GRM5: variants seen among roughly 807,000 people sequenced by gnomAD.
GRM5 encodes metabotropic glutamate receptor 5.
In GRM5, 19 loss-of-function variants were observed where a neutral mutation model predicts 83.1. The observed-to-expected ratio is 0.23, with a 90% CI of 0.16 to 0.34. GRM5 has a LOEUF of 0.34. Ranked by LOEUF, GRM5 falls within the 10% of genes least tolerant of loss-of-function variation. GRM5 has a pLI of 1.00. For synonymous variants in GRM5, 675 were observed against 633.6 expected (o/e 1.07, Z -0.98); for missense variants, 1,160 against 1,588.3 (o/e 0.73, Z 4.58).
rs1254505938 is a variant in GRM5, at chr11:88,505,303, G to A, written c.*3289C>T. The stretch of plus-strand genomic sequence containing the variant: ...GTCTCCAAAACATGTACATTTTACT[G>A]GGAGACTAGCATAGGAAATGCTTTT... On this transcript the variant is annotated 3_prime_UTR_variant, in exon 10 of 10. Coordinates refer to ENST00000305447, the MANE Select transcript of GRM5 (RefSeq NM_001143831.3). 2.0e-5 allele frequency: 3 copies of A among 152,198 alleles called. No individual in the cohort carries two copies. Among genetic ancestry groups the A allele is most frequent in the Non-Finnish European group, 4.4e-5 (3 of 68,010 alleles). 9.4% of individuals were successfully genotyped at this position (152,198 alleles called of 1,614,324 possible). A position where few individuals can be genotyped will look rare whatever the true frequency, so the allele number is the denominator to read the frequency against.
At chr11:89,060,215 T>G (rs1277986230) in intron 1 of GRM5, among the ~76,000 whole-genome samples, 1 of 152,044 alleles carries the variant, frequency 6.6e-6, no homozygotes, top group Admixed American at 6.6e-5. Context: ...CTTTTGCGTA[T>G]GTATGTATAT....
At chr11:88,827,195 T>G (rs1387623427) in intron 3 of GRM5, among the ~76,000 whole-genome samples, 1 of 152,188 alleles carries the variant, frequency 6.6e-6, no homozygotes, top group Non-Finnish European at 1.5e-5. Context: ...GTAAGTAATT[T>G]AATCAATGTG....
intron 3 of GRM5, among the ~76,000 whole-genome samples, chr11:88,824,293 G>C (rs1246211684): frequency 6.6e-6 from 1 of 152,198 alleles, no homozygotes; most frequent in Non-Finnish European, 1.5e-5. Flanking sequence ...GAGAAGGACT[G>C]AGGATATTAG....
intron 2 of GRM5, among the ~76,000 whole-genome samples, chr11:88,866,224 T>C (rs1351646423): frequency 6.6e-6 from 1 of 151,920 alleles, no homozygotes; most frequent in Non-Finnish European, 1.5e-5. Flanking sequence ...TATGCAGCCA[T>C]AAAAAAGGAT....
At chr11:88,823,963 A>G (rs951077441) in intron 3 of GRM5, among the ~76,000 whole-genome samples, 2 of 152,064 alleles carry the variant, frequency 1.3e-5, no homozygotes, top group African/African-American at 2.4e-5. Context: ...CGATCATTCC[A>G]TCTTCCAGAA....
chr11:88,535,337 T>C (rs1354582760), intron 8 of GRM5, among the ~76,000 whole-genome samples: 1 of 152,186 alleles, frequency 6.6e-6, no homozygotes, highest in Non-Finnish European at 1.5e-5. Context: ...GAACGATTTC[T>C]TTAGTATTAA....
At chr11:89,046,788 C>T (rs927847363) in intron 2 of GRM5, among the ~76,000 whole-genome samples, 5 of 152,080 alleles carry the variant, frequency 3.3e-5, no homozygotes, top group Non-Finnish European at 5.9e-5. Context: ...TACCTTCAAT[C>T]CTATGTGTAT....
At chr11:89,033,729 A>G (rs16912874) in intron 2 of GRM5, among the ~76,000 whole-genome samples, 2,785 of 152,010 alleles carry the variant, frequency 0.018, 87 homozygotes, top group African/African-American at 0.064. Flanking sequence ...TCAAATTACT[A>G]ATCTCTAAAG....
intron 2 of GRM5, among the ~76,000 whole-genome samples, chr11:88,888,047 A>G (rs1752485277): frequency 1.3e-5 from 2 of 151,982 alleles, no homozygotes; most frequent in Admixed American, 6.6e-5. Context: ...TACCTCCACC[A>G]TCTCTAAAAT....
At chr11:88,618,905 T>C (rs561506682) in intron 4 of GRM5, among the ~76,000 whole-genome samples, 1 of 152,184 alleles carries the variant, frequency 6.6e-6, no homozygotes. Flanking sequence ...CTAAGCCGAC[T>C]TGACTTGCCA....
intron 2 of GRM5, among the ~76,000 whole-genome samples, chr11:88,928,500 A>G (rs912552817): frequency 2.2e-5 from 3 of 133,618 alleles, no homozygotes; most frequent in African/African-American, 8.4e-5. Context: ...ATGTATATAT[A>G]TATATGTACT....
intron 8 of GRM5, among the ~76,000 whole-genome samples, chr11:88,547,420 T>C (rs181691071): frequency 6.6e-6 from 1 of 152,216 alleles, no homozygotes; most frequent in Non-Finnish European, 1.5e-5. Flanking sequence ...GGACCACAGA[T>C]TGACCTTAGG....
At chr11:88,978,372 A>G (rs1319232635) in intron 2 of GRM5, among the ~76,000 whole-genome samples, 3 of 151,810 alleles carry the variant, frequency 2.0e-5, no homozygotes, top group African/African-American at 7.3e-5. Flanking sequence ...AATTATGTAC[A>G]GCAGGGGTGT....
intron 2 of GRM5, among the ~76,000 whole-genome samples, chr11:89,026,820 C>T (rs770197088): frequency 2.0e-5 from 3 of 152,142 alleles, no homozygotes; most frequent in Non-Finnish European, 2.9e-5. Flanking sequence ...GAAAGTCACC[C>T]TGGAAAATTA....
At chr11:88,531,006 A>G (rs1478895356) in intron 8 of GRM5, among the ~76,000 whole-genome samples, 5 of 152,128 alleles carry the variant, frequency 3.3e-5, no homozygotes, top group Non-Finnish European at 7.4e-5. Flanking sequence ...CTTGGGATAG[A>G]CAGAAGTTCT....
chr11:88,731,742 A>C (rs547278071), intron 3 of GRM5, among the ~76,000 whole-genome samples: 2 of 152,160 alleles, frequency 1.3e-5, no homozygotes, highest in Non-Finnish European at 2.9e-5. Context: ...GTAAACCAGT[A>C]TTAAGATGTG....
chr11:88,733,849 A>T (rs2135409243), intron 3 of GRM5, among the ~76,000 whole-genome samples: 1 of 152,182 alleles, frequency 6.6e-6, no homozygotes. Context: ...CATTCATGAA[A>T]ACAAAATGCA....
At chr11:88,902,388 G>A (rs1331350325) in intron 2 of GRM5, among the ~76,000 whole-genome samples, 2 of 152,008 alleles carry the variant, frequency 1.3e-5, no homozygotes, top group African/African-American at 4.8e-5. Flanking sequence ...GCTTTTGTGA[G>A]GATTAAGTGG....
At chr11:88,675,607 G>T (rs974786529) in intron 3 of GRM5, among the ~76,000 whole-genome samples, 2 of 151,922 alleles carry the variant, frequency 1.3e-5, no homozygotes, top group Non-Finnish European at 2.9e-5. Flanking sequence ...TATAATGTAC[G>T]CATTCAGAGG....
Sources: allele counts gnomAD v4.1 joint callset (sites outside exome capture counted in the v4.1 genomes callset), GRCh38; gene constraint gnomAD v4.1.1; transcripts MANE v1.5; gene names NCBI Gene and HGNC (gene_info 2026-07-23, HGNC 2026-07-21).